Variants in MAPT observed in about 807,000 individuals in gnomAD.
The protein encoded by MAPT is microtubule-associated protein tau.
Under a neutral mutation model 67.9 loss-of-function variants are expected in MAPT, and 34 were observed. That is an observed-to-expected ratio of 0.50 (90% confidence interval 0.38 to 0.67). MAPT has a LOEUF of 0.67. MAPT is among the 30% of genes least tolerant of loss of function. The pLI is 0.00. For missense variants in MAPT, 881 were observed against 1,115.2 expected, an observed-to-expected ratio of 0.79 and a Z score of 2.99; for synonymous variants, 456 against 464.5, an observed-to-expected ratio of 0.98 and a Z score of 0.23.
intron 1 of MAPT, among the ~76,000 whole-genome samples, chr17:45,905,634 G>C (rs545431492): frequency 6.6e-6 from 1 of 152,216 alleles, no homozygotes; most frequent in African/African-American, 2.4e-5. Flanking sequence ...CCTCATTTGT[G>C]GGCCCCTGTT....
intron 12 of MAPT, among the ~76,000 whole-genome samples, chr17:46,022,937 C>T (rs776829439): frequency 1.3e-5 from 2 of 152,094 alleles, no homozygotes; most frequent in Non-Finnish European, 2.9e-5. Flanking sequence ...ATAGATAAGT[C>T]GCTAGACAGT....
intron 1 of MAPT, among the ~76,000 whole-genome samples, chr17:45,941,708 T>TTCCTTCCTTCCC: frequency 9.6e-6 from 1 of 103,896 alleles, no homozygotes; most frequent in Non-Finnish European, 1.9e-5. Context: ...CCTGCCTGCC[T>TTCCTTCCTTCCC]TCCTTCCTTC....
chr17:46,009,172 C>A (rs2075652689), intron 9 of MAPT, among the ~76,000 whole-genome samples: 1 of 152,060 alleles, frequency 6.6e-6, no homozygotes, highest in Non-Finnish European at 1.5e-5. Context: ...TGCACTCCAG[C>A]CTGGGTGACA....
chr17:46,028,097 C>T lies in MAPT; in HGVS notation c.*3926C>T, dbSNP rs1284194298. ...TACCCTGGGCACTGGCCTAGAGCCT[C>T]ACCTCCTAATAGACTTAGCCCCATG... On this transcript the variant is annotated 3_prime_UTR_variant, in exon 13 of 13. Coordinates refer to ENST00000262410, the MANE Select transcript of MAPT (RefSeq NM_001377265.1). 1 of 151,152 alleles carries T rather than the reference C, an allele frequency of 6.6e-6. No individual in the cohort carries two copies. Among genetic ancestry groups the T allele is most frequent in the East Asian group, 2.0e-4 (1 of 5,094 alleles). The allele number at this position is 151,152 out of a possible 1,614,324, so 9.4% of individuals were successfully genotyped here.
rs1382147892 is a variant in MAPT at position 45,991,463 on chromosome 17, G to A, written c.1609G>A (p.Ala537Thr). 9.3e-6 allele frequency: 15 copies of A among 1,614,092 alleles called. No homozygotes were observed. Among genetic ancestry groups the A allele is most frequent in the Admixed American group, 1.7e-5 (1 of 60,008 alleles). ...SGAKEMKLKG[A>T]DGKTKIATPR... ...CTCTATCATGTTTCATTTACAGGGGGCTGATGGTAAAACGAAGATCGCCAC... is the reference window on the plus strand; with the variant it reads ...CTCTATCATGTTTCATTTACAGGGGACTGATGGTAAAACGAAGATCGCCAC... Residue 537 changes from alanine (A) to threonine (T), a missense_variant, in exon 8 of 13, where the codon GCT (alanine) becomes ACT (threonine). Physicochemically the swap from Ala to Thr is moderately conservative, Grantham distance 58 (BLOSUM62 0). Around this residue, in one of 6 missense-constraint regions of MAPT, gnomAD observed 687 missense variants for 766.1 expected, o/e 0.90. Transcript: ENST00000262410.
rs1598325147 is a variant in MAPT at position 45,996,306 on chromosome 17, C to G, written c.1733-93C>G. The G allele has an allele frequency of 1.4e-6, 2 of 1,413,638 alleles. No individual in the cohort carries two copies. The highest frequency in any genetic ancestry group is 1.2e-5 in the South Asian group (1 of 86,818). The allele number at this position is 1,413,638 out of a possible 1,614,324, so 87.6% of individuals were successfully genotyped here. A position where few individuals can be genotyped will look rare whatever the true frequency, so the allele number is the denominator to read the frequency against. Reference sequence around the variant, plus strand: ...TCCACCTGCCTAACCCAGTGGTGAGCCTGGGAATGGACCCACGGGACAGGC... The same window carrying G: ...TCCACCTGCCTAACCCAGTGGTGAGGCTGGGAATGGACCCACGGGACAGGC... On this transcript the variant is annotated intron_variant, in intron 8 of 12. Transcript: ENST00000262410. This position sits in a 1 kb window ranked among gnomAD's most constrained non-coding sequence, Gnocchi z 4.5.
intron 12 of MAPT, among the ~76,000 whole-genome samples, chr17:46,019,466 A>C (rs2076387635): frequency 6.6e-6 from 1 of 152,068 alleles, no homozygotes; most frequent in Non-Finnish European, 1.5e-5. Context: ...TCCCTGGGTC[A>C]GGTGATCTTC....
chr17:46,022,797 G>C (rs145045626), intron 12 of MAPT, among the ~76,000 whole-genome samples: 29 of 152,288 alleles, frequency 1.9e-4, no homozygotes, highest in Non-Finnish European at 3.2e-4. Context: ...AGGCACGATG[G>C]CATGAGCCTG....
chr17:45,956,597 TATA>T (rs2069738763), intron 1 of MAPT, among the ~76,000 whole-genome samples: 4 of 46,872 alleles, frequency 8.5e-5, no homozygotes, highest in Admixed American at 2.5e-4. Flanking sequence ...TATATATATA[TATA>T]TTTTTTATTA....
At chr17:46,011,173 G>A (rs533626233) in intron 10 of MAPT, among the ~76,000 whole-genome samples, 1 of 152,270 alleles carries the variant, frequency 6.6e-6, no homozygotes, top group Non-Finnish European at 1.5e-5. Context: ...AAGGCGGGAG[G>A]TTCGCTTGAG....
At position 46,026,158 on chromosome 17, in the gene MAPT, G is replaced by A. The variant is rs1000691844; in HGVS notation, c.*1987G>A. The A allele has an allele frequency of 6.6e-6, 1 of 151,376 alleles. No homozygotes were observed. The allele number at this position is 151,376 out of a possible 1,614,324, so 9.4% of individuals were successfully genotyped here. On this transcript the variant is annotated 3_prime_UTR_variant, in exon 13 of 13. Coordinates refer to ENST00000262410, the MANE Select transcript of MAPT (RefSeq NM_001377265.1). ...AAAGAGGTTTCTAACCCACCCTCACGAGGTGTCTCTCACCCCCACACTGGG... is the reference window on the plus strand; with the variant it reads ...AAAGAGGTTTCTAACCCACCCTCACAAGGTGTCTCTCACCCCCACACTGGG...
intron 1 of MAPT, among the ~76,000 whole-genome samples, chr17:45,958,988 G>A (rs761094804): frequency 3.9e-5 from 6 of 152,064 alleles, no homozygotes; most frequent in Non-Finnish European, 5.9e-5. Context: ...GCTTGAACAC[G>A]GGAGGCAGAG....
At chr17:45,898,431 T>C (rs1040061153) in intron 1 of MAPT, 1 of 152,248 alleles carries the variant, frequency 6.6e-6, no homozygotes, top group African/African-American at 2.4e-5. Context: ...TTGGAAAAAG[T>C]GGCCTTTCTA....
intron 1 of MAPT, among the ~76,000 whole-genome samples, chr17:45,944,128 A>T (rs1439437639): frequency 5.4e-4 from 82 of 152,050 alleles, no homozygotes; most frequent in Admixed American, 5.4e-3. Flanking sequence ...CACCTTTCTC[A>T]TGCATTTTTT....
chr17:46,002,656 T>C (rs1459563741), intron 9 of MAPT, among the ~76,000 whole-genome samples: 1 of 151,604 alleles, frequency 6.6e-6, no homozygotes, highest in Non-Finnish European at 1.5e-5. Flanking sequence ...ACCTGAGCAG[T>C]GGGGCTTTGA....
At chr17:45,991,987 T>C (rs962738071) in intron 8 of MAPT, among the ~76,000 whole-genome samples, 2 of 152,082 alleles carry the variant, frequency 1.3e-5, no homozygotes, top group African/African-American at 4.8e-5. Context: ...GGTTTCACCA[T>C]GTTGGCCAGG....
In MAPT at chr17:45,996,705, G is replaced by T. The variant is rs758167709; in HGVS notation, c.1998+41G>T. The T allele has an allele frequency of 6.2e-7, 1 of 1,608,078 alleles. No homozygotes were observed. Among genetic ancestry groups the T allele is most frequent in the Non-Finnish European group, 8.5e-7 (1 of 1,176,996 alleles). On this transcript the variant is annotated intron_variant, in intron 9 of 12. Transcript: ENST00000262410. This position sits in a 1 kb window ranked among gnomAD's most constrained non-coding sequence, Gnocchi z 4.5. The stretch of plus-strand genomic sequence containing the variant: ...TGCGCGTGGAGGTGTGGGGGGCTGC[G>T]CCTGGAGGGGTAGGGCTGTGCCTGG...
intron 1 of MAPT, among the ~76,000 whole-genome samples, chr17:45,919,734 G>A (rs575243834): frequency 3.3e-5 from 5 of 152,280 alleles, no homozygotes; most frequent in African/African-American, 7.2e-5. Context: ...TAGTGAGACC[G>A]CGTCTCTACA....
At chr17:45,967,775 G>A (rs764371782) in intron 2 of MAPT, among the ~76,000 whole-genome samples, 1 of 151,988 alleles carries the variant, frequency 6.6e-6, no homozygotes, top group East Asian at 1.9e-4. Flanking sequence ...CCTTCCTGTC[G>A]CCCAAGGGAC....
Sources: gnomAD v4.1 joint callset for allele counts (sites outside exome capture counted in the v4.1 genomes callset) on GRCh38, gnomAD v4.1.1 for gene constraint, gnomAD v4.1.1 regional missense constraint, Gnocchi (gnomAD v3.1) non-coding constraint, MANE v1.5 for transcripts, NCBI Gene and HGNC (gene_info 2026-07-23, HGNC 2026-07-21) for gene names.